Variants in ZNF844 observed in about 807,000 individuals in gnomAD.
ZNF844 encodes the protein zinc finger protein 844.
Under a neutral mutation model 11.4 loss-of-function variants are expected in ZNF844, and 11 were observed. That is an observed-to-expected ratio of 0.97 (90% CI 0.61 to 1.60). The LOEUF is 1.60. Among genes scored for constraint, ZNF844 ranks in the 40% most tolerant of loss-of-function variants. ZNF844 has a pLI of 0.00. For missense variants in ZNF844, 790 were observed against 796.8 expected (o/e 0.99, Z 0.10); for synonymous variants, 248 against 260.3 (o/e 0.95, Z 0.46).
At chr19:12,065,054 C>A (rs552293878) in intron 1 of ZNF844, among the ~76,000 whole-genome samples, 178 bp downstream of exon 1, 78 of 152,024 alleles carry the variant, frequency 5.1e-4, no homozygotes, top group Non-Finnish European at 1.0e-3. Flanking sequence ...CCGGGTGCGG[C>A]TGGGCCGGCA....
intron 1 of ZNF844, among the ~76,000 whole-genome samples, chr19:12,066,757 A>G (rs1371357301): frequency 3.3e-5 from 5 of 150,988 alleles, no homozygotes; most frequent in African/African-American, 1.2e-4. Flanking sequence ...CGTGTTAGCC[A>G]GGATGGTCTG....
intron 1 of ZNF844, among the ~76,000 whole-genome samples, chr19:12,065,156 C>T (rs1264073590): frequency 6.6e-6 from 1 of 152,040 alleles, no homozygotes; most frequent in African/African-American, 2.4e-5. Context: ...GCCCGCAGCC[C>T]GGAGCCTCTC....
chr19:12,070,988 A>G (rs1240473990), intron 1 of ZNF844, among the ~76,000 whole-genome samples: 2 of 152,174 alleles, frequency 1.3e-5, no homozygotes, highest in East Asian at 1.9e-4. Context: ...GGATTTAGCT[A>G]TAACTGGGCT....
chr19:12,072,820 G>A (rs910904245), intron 1 of ZNF844, among the ~76,000 whole-genome samples: 3 of 151,838 alleles, frequency 2.0e-5, no homozygotes, highest in African/African-American at 7.3e-5. Flanking sequence ...CCTGACCTCA[G>A]GTGATCCACC....
chr19:12,074,746 G>A (rs554082897), intron 3 of ZNF844, among the ~76,000 whole-genome samples: 18 of 152,250 alleles, frequency 1.2e-4, no homozygotes, highest in African/African-American at 3.6e-4. Flanking sequence ...TAGCTACATC[G>A]AAGGCTGAGG....
rs900315196 is a variant in ZNF844, at chr19:12,077,512, G to A, written c.*391G>A. 2.5e-5 allele frequency: 15 copies of A among 598,034 alleles called. No individual in the cohort carries two copies. The highest frequency in any genetic ancestry group is 1.3e-4 in the African/African-American group (7 of 52,368). The allele number at this position is 598,034 out of a possible 1,614,324, so 37.0% of individuals were successfully genotyped here. On this transcript the variant is annotated 3_prime_UTR_variant, in exon 4 of 4. Transcript: ENST00000439326. ...GCCTTCATTTCTTCCGGTAGCCTTC[G>A]ATATCATGAAAGGACTCACACTGGA...
chr19:12,070,091 T>G (rs1379502476), intron 1 of ZNF844: 3 of 129,284 alleles, frequency 2.3e-5, no homozygotes, highest in African/African-American at 8.9e-5. Context: ...GACCCCGTTC[T>G]CCACAAAAAG....
chr19:12,067,868 C>T (rs1035078791), intron 1 of ZNF844, among the ~76,000 whole-genome samples: 9 of 148,002 alleles, frequency 6.1e-5, no homozygotes, highest in South Asian at 2.1e-4. Context: ...GCCGAGATCG[C>T]GCCACTGCAC....
At chr19:12,073,989 T>G in intron 1 of ZNF844, 42 bp from the exon 2 acceptor site, 1 of 1,592,052 alleles carries the variant, frequency 6.3e-7, no homozygotes, top group Non-Finnish European at 8.5e-7. Flanking sequence ...CCCAGTGCTG[T>G]CAGTCTCACC....
chr19:12,071,614 C>T (rs771344094), intron 1 of ZNF844, among the ~76,000 whole-genome samples: 3 of 151,944 alleles, frequency 2.0e-5, no homozygotes, highest in Non-Finnish European at 2.9e-5. Context: ...GGTCCACTGA[C>T]GTTTTCATGA....
rs760621091 is a variant in ZNF844, at chr19:12,076,425, C to T, written c.1305C>T (p.Phe435=). The stretch of plus-strand genomic sequence containing the variant: ...AGCCTTCATTTCTTCCACTTCCTTT[C>T]GATATCATGAAAGGACTCACACTGG... ...VVKPSFLPLP[F]DIMKGLTLER... Residue 435 remains phenylalanine (F), a synonymous_variant, in exon 4 of 4, where the codon TTC becomes TTT. Transcript: ENST00000439326. 2.5e-5 allele frequency: 40 copies of T among 1,609,774 alleles called. No individual in the cohort carries two copies. The highest frequency in any genetic ancestry group is 1.3e-4 in the Admixed American group (8 of 59,910).
In ZNF844 at chr19:12,076,752, A is replaced by C; in HGVS notation, c.1632A>C (p.Ser544=). Reference sequence around the variant, plus strand: ...ATGTGAAAAAACCTTTGGATCTGTCAGAAACCTTCAAATTCATGAAAAGAC... The same window carrying C: ...ATGTGAAAAAACCTTTGGATCTGTCCGAAACCTTCAAATTCATGAAAAGAC... The part of the protein sequence containing the change: ...LNNVKKPLDL[S]ETFKFMKRHT... The change falls in exon 4 of 4, where the codon TCA becomes TCC. Residue 544 remains serine (S), a synonymous_variant. Transcript: ENST00000439326. 3 of 1,600,302 alleles carry C rather than the reference A, an allele frequency of 1.9e-6. No individual in the cohort carries two copies. The highest frequency in any genetic ancestry group is 1.7e-6 in the Non-Finnish European group (2 of 1,172,944).
chr19:12,074,014 C>CA lies in ZNF844; in HGVS notation c.4-16dup, dbSNP rs1975779610. On this transcript the variant is annotated splice_polypyrimidine_tract_variant and intron_variant, in intron 1 of 3. Coordinates refer to ENST00000439326, the MANE Select transcript of ZNF844 (RefSeq NM_001136501.3). ...TCAGTCTCACCCATCCTCCTCTATACATGTGGGATGTTTCAGGACTTGGTG... is the reference window on the plus strand; with the variant it reads ...TCAGTCTCACCCATCCTCCTCTATACAATGTGGGATGTTTCAGGACTTGGTG... 6 of 1,609,630 alleles carry CA rather than the reference C, an allele frequency of 3.7e-6. 1 individual carries two copies. In the South Asian group the frequency reaches 6.6e-5, roughly 18 times the overall value.
At position 12,064,867 on chromosome 19, in the gene ZNF844, C is replaced by T. The variant is rs1343934179; in HGVS notation, c.-7C>T. On this transcript the variant is annotated 5_prime_UTR_variant, in exon 1 of 4. Coordinates refer to ENST00000439326, the MANE Select transcript of ZNF844 (RefSeq NM_001136501.3). The stretch of plus-strand genomic sequence containing the variant: ...TTTGGACGTGGGAGTCACCTGAAAG[C>T]CAGGAAATGGTGAGTGTGAGCCCCC... 3 of 1,549,788 alleles carry T rather than the reference C, an allele frequency of 1.9e-6. No homozygotes were observed. The highest frequency in any genetic ancestry group is 2.0e-5 in the Admixed American group (1 of 50,850).
chr19:12,069,294 T>G lies in ZNF844; in HGVS notation c.3+4418T>G, dbSNP rs951913957. Among the ~76,000 whole-genome samples the G allele has an allele frequency of 1.0e-4, 15 of 149,472 alleles. No individual in the cohort carries two copies. The South Asian group carries it at 1.3e-3, about 13-fold the overall frequency. ...GCCTCCTGGGTTCAAGCAATTCTCC[T>G]GTCTCAGCCTCCTGAGTAGCTGGGA... On this transcript the variant is annotated intron_variant, in intron 1 of 3. Transcript: ENST00000439326.
Position 12,076,899 on chromosome 19 carries a change from G to A in ZNF844, c.1779G>A (p.Lys593=), listed in dbSNP as rs1351784485. 2.5e-6 allele frequency: 4 copies of A among 1,579,402 alleles called. No homozygotes were observed. The African/African-American group carries it at 5.5e-5, about 22-fold the overall frequency. ...CTATGAATGTAAAGAGTGTGACAAA[G>A]CATTCATATCTGCCAAGATCCTTCG... ...RMPMNVKSVT[K]HSYLPRSFEY... The change falls in exon 4 of 4, where the codon AAG becomes AAA. Residue 593 remains lysine, a synonymous_variant. Coordinates refer to ENST00000439326, the MANE Select transcript of ZNF844 (RefSeq NM_001136501.3).
intron 1 of ZNF844, among the ~76,000 whole-genome samples, chr19:12,065,679 C>A (rs1975680351): frequency 6.7e-6 from 1 of 150,194 alleles, no homozygotes; most frequent in Admixed American, 6.6e-5. Context: ...TCTTTTTTGC[C>A]CAGGCTGGAG....
At position 12,077,429 on chromosome 19, in the gene ZNF844, G is replaced by A; in HGVS notation, c.*308G>A. The A allele has an allele frequency of 1.6e-6, 1 of 638,502 alleles. No individual in the cohort carries two copies. The highest frequency in any genetic ancestry group is 2.9e-6 in the Non-Finnish European group (1 of 342,050). 39.6% of individuals were successfully genotyped at this position (638,502 alleles called of 1,614,324 possible). On this transcript the variant is annotated 3_prime_UTR_variant, in exon 4 of 4. Transcript: ENST00000439326. ...CCTTCATGTCTTCTACTGCATTTCAGTATCATGAAAAGACCCACACCAGAG... is the reference window on the plus strand; with the variant it reads ...CCTTCATGTCTTCTACTGCATTTCAATATCATGAAAAGACCCACACCAGAG...
At position 12,078,768 on chromosome 19, in the gene ZNF844, A is replaced by C. The variant is rs1029349815; in HGVS notation, c.*1647A>C. On this transcript the variant is annotated 3_prime_UTR_variant, in exon 4 of 4. Coordinates refer to ENST00000439326, the MANE Select transcript of ZNF844 (RefSeq NM_001136501.3). ...CACTAGAGGAAAACCCTATGAATGT[A>C]AGCTGCGTGGGAAAGCATTTTCTGA... 1.0e-4 allele frequency: 16 copies of C among 152,472 alleles called. No individual in the cohort carries two copies. Among genetic ancestry groups the C allele is most frequent in the Admixed American group, 1.0e-3 (16 of 15,278 alleles). 9.4% of individuals were successfully genotyped at this position (152,472 alleles called of 1,614,324 possible).
Sources: gnomAD v4.1 joint callset for allele counts (sites outside exome capture counted in the v4.1 genomes callset) on GRCh38, gnomAD v4.1.1 for gene constraint, MANE v1.5 for transcripts, NCBI Gene and HGNC (gene_info 2026-07-23, HGNC 2026-07-21) for gene names.